Variants in TPM4 observed in about 807,000 individuals in gnomAD.
The protein encoded by TPM4 is tropomyosin 4.
In TPM4, 17 loss-of-function variants were observed where a neutral mutation model predicts 35.8. The ratio of observed to expected loss-of-function variants is 0.47; its 90% CI spans 0.32 to 0.71. The LOEUF (loss-of-function observed/expected upper bound fraction) is 0.71. Ranked by LOEUF, TPM4 falls within the 30% of genes least tolerant of loss-of-function variation. The probability of loss-of-function intolerance (pLI) is 0.03; values close to 1 mark genes in which losing one functional copy is unlikely to be tolerated. For synonymous variants in TPM4, 120 were observed against 122.9 expected, an observed-to-expected ratio of 0.98 and a Z score of 0.15; for missense variants, 240 against 320.9, an observed-to-expected ratio of 0.75 and a Z score of 1.93.
intron 7 of TPM4, among the ~76,000 whole-genome samples, chr19:16,098,769 C>T (rs2090730786): frequency 6.6e-6 from 1 of 151,924 alleles, no homozygotes; most frequent in Admixed American, 6.6e-5. Context: ...GGCAAGACCC[C>T]ATCTCTAAAA....
chr19:16,081,921 T>C lies in TPM4; in HGVS notation c.141T>C (p.Gly47=), dbSNP rs79143852. The part of the protein sequence containing the change: ...GERERREKAE[G]DVAALNRRIQ... ...ACCTCCGACCTCCCCAGGCTGAAGG[T>C]GATGTGGCCGCCCTCAACCGACGCA... is the stretch of plus-strand genomic sequence containing the variant. The change falls in exon 2 of 8, where the codon GGT becomes GGC. Residue 47 remains glycine (G), a synonymous_variant. Transcript: ENST00000643579. 6 of 1,596,778 alleles carry C rather than the reference T, an allele frequency of 3.8e-6. No homozygotes were observed. Among genetic ancestry groups the C allele is most frequent in the Non-Finnish European group, 3.4e-6 (4 of 1,166,378 alleles).
rs2090775690 is a variant in TPM4 at position 16,102,818 on chromosome 19, T to C, written c.*1472T>C. On this transcript the variant is annotated 3_prime_UTR_variant, in exon 8 of 8. Coordinates refer to ENST00000643579, the MANE Select transcript of TPM4 (RefSeq NM_003290.3). ...TAAAAATCACCCTGCTTCTGGCTTATCTGAATCCCTTACCCACCCCACCCC... is the reference window on the plus strand; with the variant it reads ...TAAAAATCACCCTGCTTCTGGCTTACCTGAATCCCTTACCCACCCCACCCC... 4.3e-6 allele frequency: 1 copy of C among 231,008 alleles called. No homozygotes were observed. The highest frequency in any genetic ancestry group is 8.6e-6 in the Non-Finnish European group (1 of 116,720). The allele number at this position is 231,008 out of a possible 1,614,324, so 14.3% of individuals were successfully genotyped here.
In TPM4 at chr19:16,076,551, C is replaced by G. The variant is rs1174591296; in HGVS notation, c.-15C>G. The G allele has an allele frequency of 1.4e-6, 2 of 1,452,128 alleles. No individual in the cohort carries two copies. Among genetic ancestry groups the G allele is most frequent in the East Asian group, 6.1e-5 (2 of 32,568 alleles). 90.0% of individuals were successfully genotyped at this position (1,452,128 alleles called of 1,614,324 possible). A position where few individuals can be genotyped will look rare whatever the true frequency, so the allele number is the denominator to read the frequency against. ...AGCGTCCGCCGCTGCCCGTGCGCCTCTGCGCCTCCGCGCCATGGCCGGCCT... is the reference window on the plus strand; with the variant it reads ...AGCGTCCGCCGCTGCCCGTGCGCCTGTGCGCCTCCGCGCCATGGCCGGCCT... On this transcript the variant is annotated 5_prime_UTR_variant, in exon 1 of 8. Transcript: ENST00000643579.
chr19:16,080,057 A>G (rs889421517), intron 1 of TPM4: 8 of 187,462 alleles, frequency 4.3e-5, no homozygotes, highest in Non-Finnish European at 7.9e-5. Context: ...TTGTTCTGAT[A>G]GGAAAAAGCT....
rs1411656055 is a variant in TPM4 at position 16,067,767 on chromosome 19, G to A, written c.114+29G>A. The stretch of plus-strand genomic sequence containing the variant: ...AGGTGCCCTCCGCTGGGCCGCTCCG[G>A]GCTGCTGGGAGTCCTCTCTGTGCGG... On this transcript the variant is annotated intron_variant, in intron 2 of 2. Transcript: ENST00000589897. This position sits in a 1 kb window ranked among gnomAD's most constrained non-coding sequence, Gnocchi z 4.1. 1.2e-6 allele frequency: 2 copies of A among 1,602,208 alleles called. No individual in the cohort carries two copies. The highest frequency in any genetic ancestry group is 1.1e-5 in the South Asian group (1 of 90,238).
intron 7 of TPM4, among the ~76,000 whole-genome samples, chr19:16,094,943 G>A (rs1198552064): frequency 6.6e-6 from 1 of 152,120 alleles, no homozygotes; most frequent in Non-Finnish European, 1.5e-5. Context: ...CTTTGGACAG[G>A]GTGACGTCAT....
upstream of TPM4, chr19:16,076,147 A>G: frequency 6.4e-7 from 1 of 1,567,694 alleles, no homozygotes; most frequent in Non-Finnish European, 8.6e-7. Flanking sequence ...GAGAAGCTGG[A>G]GCTCACGGAG....
chr19:16,074,111 A>T (rs756875863), upstream of TPM4, among the ~76,000 whole-genome samples: 7 of 151,686 alleles, frequency 4.6e-5, no homozygotes, highest in Non-Finnish European at 8.8e-5. Flanking sequence ...CCCAGACAGG[A>T]TTCAGAGCTC....
chr19:16,076,741 C>G lies in TPM4; in HGVS notation c.132+44C>G, dbSNP rs2090411968. ...GGCCCCGCACCCGCAGCCTCCTCCC[C>G]CGCGCGCCCTCCTTTCTTCCCGGCT... On this transcript the variant is annotated intron_variant, in intron 1 of 7. Coordinates refer to ENST00000643579, the MANE Select transcript of TPM4 (RefSeq NM_003290.3). The G allele has an allele frequency of 6.2e-6, 8 of 1,285,092 alleles. No individual in the cohort carries two copies. The South Asian group carries it at 6.8e-5, about 11-fold the overall frequency. 79.6% of individuals were successfully genotyped at this position (1,285,092 alleles called of 1,614,324 possible).
chr19:16,080,120 A>T (rs752940522), intron 1 of TPM4: 23 of 195,776 alleles, frequency 1.2e-4, no homozygotes, highest in Non-Finnish European at 1.9e-4. Context: ...CGTTCTCAAT[A>T]TTCCTTCCAA....
At chr19:16,076,318 G>T (rs2090404505), upstream of TPM4, 84 of 1,504,424 alleles carry the variant, frequency 5.6e-5, no homozygotes, top group Non-Finnish European at 7.2e-5. Flanking sequence ...GTCCCGAAAA[G>T]GGGCACTTTC....
intron 1 of TPM4, chr19:16,076,951 A>C: frequency 1.7e-6 from 1 of 594,942 alleles, no homozygotes; most frequent in Non-Finnish European, 2.3e-6. Context: ...CAAGCGGGAA[A>C]TGGGGGGATG....
intron 1 of TPM4, chr19:16,081,709 T>C: frequency 1.9e-6 from 1 of 526,160 alleles, no homozygotes; most frequent in Non-Finnish European, 3.0e-6. Flanking sequence ...CATCTTTTGC[T>C]ATGGAGTGGT....
intron 7 of TPM4, among the ~76,000 whole-genome samples, chr19:16,096,220 C>G (rs966137202): frequency 2.6e-5 from 4 of 152,144 alleles, no homozygotes; most frequent in African/African-American, 9.7e-5. Flanking sequence ...TGAGCCATCA[C>G]GCCTGGCCAT....
chr19:16,087,971 G>A lies in TPM4; in HGVS notation c.385-56G>A, dbSNP rs2090578478. The A allele has an allele frequency of 2.6e-6, 4 of 1,566,840 alleles. No homozygotes were observed. The East Asian group carries it at 9.2e-5, about 36-fold the overall frequency. The stretch of plus-strand genomic sequence containing the variant: ...TCATTGGGGGCTGTCTGCAGTGGAT[G>A]GGAGAGGACACGGCTGGTGGGGATC... On this transcript the variant is annotated intron_variant, in intron 3 of 7. Transcript: ENST00000643579.
In TPM4 at chr19:16,094,872, A is replaced by G. The variant is rs12610567; in HGVS notation, c.664+1119A>G. 2.6e-5 allele frequency among the ~76,000 whole-genome samples: 4 copies of G among 152,132 alleles called. No homozygotes were observed. In the East Asian group the frequency reaches 7.7e-4, roughly 29 times the overall value. ...CACATTCTTCAGACCATATCTTCCA[A>G]TGTTTTTTTGGGGAAGTGAGGTTCC... On this transcript the variant is annotated intron_variant, in intron 7 of 7. Transcript: ENST00000643579.
chr19:16,084,111 T>C (rs2090519639), intron 2 of TPM4, among the ~76,000 whole-genome samples: 1 of 152,184 alleles, frequency 6.6e-6, no homozygotes, highest in African/African-American at 2.4e-5. Flanking sequence ...GTATTTTTAG[T>C]AGAGACAGGG....
In TPM4 at chr19:16,102,696, T is replaced by G. The variant is rs2090774567; in HGVS notation, c.*1350T>G. On this transcript the variant is annotated 3_prime_UTR_variant, in exon 8 of 8. Coordinates refer to ENST00000643579, the MANE Select transcript of TPM4 (RefSeq NM_003290.3). ...GTAGACAGGGCTGCACGTATCGGCTTTGTTTGACTTCTCTTTTCTCAGTTA... is the reference window on the plus strand; with the variant it reads ...GTAGACAGGGCTGCACGTATCGGCTGTGTTTGACTTCTCTTTTCTCAGTTA... 1 of 229,856 alleles carries G rather than the reference T, an allele frequency of 4.4e-6. No individual in the cohort carries two copies. Among genetic ancestry groups the G allele is most frequent in the Non-Finnish European group, 8.6e-6 (1 of 115,902 alleles). The allele number at this position is 229,856 out of a possible 1,614,324, so 14.2% of individuals were successfully genotyped here.
chr19:16,096,936 CTTTTTTTTTT>C (rs71178641), intron 7 of TPM4, among the ~76,000 whole-genome samples: 188 of 69,052 alleles, frequency 2.7e-3, no homozygotes, highest in Admixed American at 7.8e-3. Flanking sequence ...CAAGGTCACT[CTTTTTTTTTT>C]TTTTTTTTTT....
Sources: gnomAD v4.1 joint callset for allele counts (sites outside exome capture counted in the v4.1 genomes callset) on GRCh38, gnomAD v4.1.1 for gene constraint, Gnocchi (gnomAD v3.1) non-coding constraint, MANE v1.5 for transcripts, NCBI Gene and HGNC (gene_info 2026-07-23, HGNC 2026-07-21) for gene names.